Variants in STK32B observed in about 807,000 individuals in gnomAD.
The protein encoded by STK32B is serine/threonine kinase 32B.
Under a neutral mutation model 52.6 loss-of-function variants are expected in STK32B, and 43 were observed. That is an observed-to-expected ratio of 0.82 (90% confidence interval 0.64 to 1.05). The LOEUF (loss-of-function observed/expected upper bound fraction) is 1.05. Ranked by LOEUF, STK32B falls within the 50% of genes least tolerant of loss-of-function variation. STK32B has a pLI of 0.00. For missense variants in STK32B, 621 were observed against 534.6 expected, an observed-to-expected ratio of 1.16 and a Z score of -1.59; for synonymous variants, 238 against 204.3, an observed-to-expected ratio of 1.17 and a Z score of -1.41.
At chr4:5,402,265 C>T (rs6835882) in intron 5 of STK32B, among the ~76,000 whole-genome samples, 34,758 of 152,058 alleles carry the variant, frequency 0.23, 4,232 homozygotes, top group Admixed American at 0.31. Context: ...ATGCAGTTGC[C>T]TAACAGGAGG....
chr4:5,210,550 T>C (rs1175516303), intron 3 of STK32B, among the ~76,000 whole-genome samples: 2 of 152,166 alleles, frequency 1.3e-5, no homozygotes, highest in Non-Finnish European at 2.9e-5. Flanking sequence ...ATGGTGTGCA[T>C]TATGAACTCT....
chr4:5,346,511 C>A (rs79634502), intron 4 of STK32B, among the ~76,000 whole-genome samples: 2,734 of 152,210 alleles, frequency 0.018, 80 homozygotes, highest in African/African-American at 0.063. Context: ...ACTGTGAAGC[C>A]GACAAAACCC....
intron 1 of STK32B, among the ~76,000 whole-genome samples, chr4:5,113,896 AAAAG>A (rs1400524546): frequency 6.7e-6 from 1 of 149,640 alleles, no homozygotes; most frequent in Non-Finnish European, 1.5e-5. Context: ...GTGGCAGGCA[AAAAG>A]AAAGAGAGCT....
rs754072897 is a variant in STK32B, at chr4:5,460,168, G to A, written c.849G>A (p.Leu283=). The A allele has an allele frequency of 1.9e-6, 3 of 1,614,188 alleles. No homozygotes were observed. The East Asian group carries it at 6.7e-5, about 36-fold the overall frequency. Residue 283 remains leucine, a synonymous_variant, in exon 9 of 12, where the codon TTG becomes TTA. Coordinates refer to ENST00000282908, the MANE Select transcript of STK32B (RefSeq NM_018401.3). This position sits in a 1 kb window ranked among gnomAD's most constrained non-coding sequence, Gnocchi z 4.8. ...SLHDIQSVPY[L]ADMNWDAVFK... ...ATGACATACAGAGCGTGCCCTACTT[G>A]GCCGACATGAACTGGGACGCGGTGT...
chr4:5,244,731 T>G (rs1725315011), intron 3 of STK32B, among the ~76,000 whole-genome samples: 4 of 152,214 alleles, frequency 2.6e-5, no homozygotes, highest in Admixed American at 2.6e-4. Context: ...TAAATTTCCC[T>G]CTACACACTG....
At chr4:5,264,808 T>C (rs546549040) in intron 3 of STK32B, among the ~76,000 whole-genome samples, 27 of 152,034 alleles carry the variant, frequency 1.8e-4, no homozygotes, top group Non-Finnish European at 3.5e-4. Flanking sequence ...AAAATTGTTG[T>C]GTTATACAAG....
intron 1 of STK32B, among the ~76,000 whole-genome samples, chr4:5,067,931 A>G (rs1429000294): frequency 6.6e-6 from 1 of 152,146 alleles, no homozygotes; most frequent in African/African-American, 2.4e-5. Flanking sequence ...GAACTCTATC[A>G]TATGAACAGC....
At chr4:5,092,752 G>A (rs891017053) in intron 1 of STK32B, among the ~76,000 whole-genome samples, 4 of 152,036 alleles carry the variant, frequency 2.6e-5, no homozygotes, top group African/African-American at 9.7e-5. Flanking sequence ...CCCGAGAACA[G>A]CACCAAGGAG....
intron 4 of STK32B, among the ~76,000 whole-genome samples, chr4:5,364,042 G>GA (rs34019164): frequency 1.9e-4 from 29 of 150,520 alleles, no homozygotes; most frequent in Admixed American, 5.9e-4. Flanking sequence ...GCATCCTTTT[G>GA]AAAAAAAAAT....
At chr4:5,334,791 G>T (rs145225260) in intron 4 of STK32B, among the ~76,000 whole-genome samples, 1 of 151,856 alleles carries the variant, frequency 6.6e-6, no homozygotes, top group African/African-American at 2.4e-5. Context: ...ATTGATTTGC[G>T]TATATTGAAC....
At chr4:5,445,500 C>T (rs1055326671) in intron 6 of STK32B, among the ~76,000 whole-genome samples, 6 of 152,074 alleles carry the variant, frequency 3.9e-5, no homozygotes, top group South Asian at 2.1e-4. Context: ...CAATGCACTC[C>T]GGGCCTAGTG....
intron 5 of STK32B, among the ~76,000 whole-genome samples, chr4:5,402,370 G>A (rs1400174648): frequency 6.6e-6 from 1 of 152,230 alleles, no homozygotes; most frequent in Non-Finnish European, 1.5e-5. Context: ...CTTCCCCAAA[G>A]GTGGGCAAGG....
In STK32B at chr4:5,396,317, T is replaced by G. The variant is rs1414757852; in HGVS notation, c.435-1890T>G. Among the ~76,000 whole-genome samples the G allele has an allele frequency of 6.6e-6, 1 of 152,086 alleles. No individual in the cohort carries two copies. Among genetic ancestry groups the G allele is most frequent in the East Asian group, 1.9e-4 (1 of 5,168 alleles). ...TGCTTCCATCTCCCCATGGCCTTCT[T>G]CTCTCCTGTGCCTGCATCCAAATCC... On this transcript the variant is annotated intron_variant, in intron 4 of 11. Transcript: ENST00000282908. The surrounding 1 kb of genome is among the most constrained non-coding windows in gnomAD (Gnocchi z 4.7).
chr4:5,240,713 G>C lies in STK32B; in HGVS notation c.260+72263G>C, dbSNP rs557804482. 3.9e-5 allele frequency among the ~76,000 whole-genome samples: 6 copies of C among 152,292 alleles called. No homozygotes were observed. The South Asian group carries it at 1.2e-3, about 32-fold the overall frequency. ...GACCTCGGGTGATCCAGCCACCTCA[G>C]CCTCCCAAAATGCTGGGATTACAGG... is the stretch of plus-strand genomic sequence containing the variant. On this transcript the variant is annotated intron_variant, in intron 3 of 11. Transcript: ENST00000282908.
chr4:5,144,276 T>G (rs577802967), intron 2 of STK32B, among the ~76,000 whole-genome samples: 8 of 152,288 alleles, frequency 5.3e-5, no homozygotes, highest in African/African-American at 1.9e-4. Flanking sequence ...ATAGGCATAT[T>G]GGTGTCTTCT....
At chr4:5,159,191 G>C (rs527318400) in intron 2 of STK32B, among the ~76,000 whole-genome samples, 2 of 152,298 alleles carry the variant, frequency 1.3e-5, no homozygotes, top group East Asian at 3.9e-4. Context: ...GCTTACCAAG[G>C]GGGTGCCCCA....
chr4:5,272,810 C>T lies in STK32B; in HGVS notation c.261-58410C>T, dbSNP rs368979016. On this transcript the variant is annotated intron_variant, in intron 3 of 11. Transcript: ENST00000282908. ...CATATGTAGAAAGCTGAAACTGGAT[C>T]CCTTCCTTACACCTTATACAAAAAT... Among the ~76,000 whole-genome samples, 17 of 133,122 alleles carry T rather than the reference C, an allele frequency of 1.3e-4. No homozygotes were observed. In the East Asian group the frequency reaches 3.5e-3, roughly 28 times the overall value. The allele number at this position is 133,122 out of a possible 152,430, so 87.3% of individuals were successfully genotyped here.
At chr4:5,441,434 G>A (rs1291605322) in intron 6 of STK32B, among the ~76,000 whole-genome samples, 2 of 150,728 alleles carry the variant, frequency 1.3e-5, no homozygotes, top group East Asian at 4.3e-4. Context: ...TTGTATTTCT[G>A]TGGGATCAGT....
At chr4:5,430,483 A>C (rs746311608) in intron 6 of STK32B, among the ~76,000 whole-genome samples, 1 of 152,152 alleles carries the variant, frequency 6.6e-6, no homozygotes, top group East Asian at 1.9e-4. Context: ...CCGCCTTTCC[A>C]CTAAAGCCTT....
Sources: allele counts gnomAD v4.1 joint callset (sites outside exome capture counted in the v4.1 genomes callset), GRCh38; gene constraint gnomAD v4.1.1; non-coding constraint Gnocchi (gnomAD v3.1); transcripts MANE v1.5; gene names NCBI Gene and HGNC (gene_info 2026-07-23, HGNC 2026-07-21).